Variants in RTTN observed in about 807,000 individuals in gnomAD.
RTTN encodes the protein rotatin.
In RTTN, 182 loss-of-function variants were observed where a neutral mutation model predicts 269.2. The observed-to-expected ratio is 0.68, with a 90% confidence interval of 0.60 to 0.76. The LOEUF is 0.76. Among genes scored for constraint, RTTN ranks in the 30% least tolerant of loss-of-function variants. The pLI, the probability that RTTN is intolerant of heterozygous loss-of-function variation, is 0.00. For synonymous variants in RTTN, 1,006 were observed against 963.5 expected (o/e 1.04, Z -0.82); for missense variants, 2,545 against 2,608.6 (o/e 0.98, Z 0.53).
intron 46 of RTTN, chr18:70,006,714 C>A: frequency 2.4e-6 from 1 of 416,156 alleles, no homozygotes; most frequent in Non-Finnish European, 4.3e-6. Flanking sequence ...GAAGCTGCTT[C>A]ATTTTTTGGC....
intron 10 of RTTN, among the ~76,000 whole-genome samples, chr18:70,185,032 G>A (rs1157161765): frequency 6.6e-6 from 1 of 151,894 alleles, no homozygotes; most frequent in East Asian, 1.9e-4. Flanking sequence ...GGCATCATAA[G>A]AGAAAACCGA....
intron 34 of RTTN, among the ~76,000 whole-genome samples, chr18:70,068,606 G>A (rs886066711): frequency 3.3e-5 from 5 of 152,204 alleles, no homozygotes; most frequent in Non-Finnish European, 7.3e-5. Context: ...AATTGGCTTA[G>A]TTTAAGAGCA....
intron 40 of RTTN, among the ~76,000 whole-genome samples, chr18:70,032,326 G>T (rs1014513645): frequency 3.3e-5 from 5 of 152,128 alleles, no homozygotes; most frequent in Non-Finnish European, 7.4e-5. Context: ...CTCCTGCACT[G>T]GCAGACTGCC....
chr18:70,004,153 AG>A lies in RTTN; in HGVS notation c.6678del (p.Ter2227GlufsTer18), dbSNP rs772857995. On this transcript the variant is annotated frameshift_variant, in exon 49 of 49. Coordinates refer to ENST00000640769, the MANE Select transcript of RTTN (RefSeq NM_173630.4). LOFTEE classifies it high-confidence loss of function. The part of the protein sequence containing the change: ...LENLVQLLNS[S>X] ...CAAGGTGTAGCATCCCATGGCACTC[AG>A]GAAGAATTAAGGAGCTGCACGAGGT... is the stretch of plus-strand genomic sequence containing the variant. The A allele has an allele frequency of 6.2e-7, 1 of 1,611,156 alleles. No individual in the cohort carries two copies. Among genetic ancestry groups the A allele is most frequent in the East Asian group, 2.2e-5 (1 of 44,828 alleles).
At chr18:70,146,446 C>T (rs570383213) in intron 17 of RTTN, among the ~76,000 whole-genome samples, 1 of 152,280 alleles carries the variant, frequency 6.6e-6, no homozygotes, top group African/African-American at 2.4e-5. Context: ...GATATTGAGA[C>T]AACCATGTAT....
chr18:70,127,950 T>C, intron 24 of RTTN: 1 of 547,670 alleles, frequency 1.8e-6, no homozygotes, highest in South Asian at 2.4e-5. Context: ...TGACTTTTCC[T>C]CCTTATAAAA....
chr18:70,025,522 C>T (rs1243563325), intron 43 of RTTN, among the ~76,000 whole-genome samples: 2 of 152,152 alleles, frequency 1.3e-5, no homozygotes, highest in East Asian at 1.9e-4. Context: ...CATAAATACA[C>T]ACACCCTATA....
chr18:70,078,817 T>C (rs2058491014), intron 32 of RTTN, among the ~76,000 whole-genome samples: 1 of 151,960 alleles, frequency 6.6e-6, no homozygotes, highest in Non-Finnish European at 1.5e-5. Flanking sequence ...AATAAAACTA[T>C]TAAAGATGGG....
intron 23 of RTTN, among the ~76,000 whole-genome samples, chr18:70,134,055 T>G (rs1236666193): frequency 6.6e-6 from 1 of 152,116 alleles, no homozygotes; most frequent in Non-Finnish European, 1.5e-5. Context: ...TGTAGAATAA[T>G]GTCCTTAACT....
chr18:70,021,466 T>C (rs771992659), intron 44 of RTTN, among the ~76,000 whole-genome samples: 8 of 152,340 alleles, frequency 5.3e-5, no homozygotes, highest in African/African-American at 1.9e-4. Context: ...TAAGGTATAA[T>C]TGACTTGTGA....
At chr18:70,067,913 G>C (rs1039429003) in intron 34 of RTTN, among the ~76,000 whole-genome samples, 26 of 152,280 alleles carry the variant, frequency 1.7e-4, no homozygotes, top group Admixed American at 1.6e-3. Flanking sequence ...GTCCACAGAA[G>C]GGATACACAA....
chr18:70,120,324 A>G (rs771277338), intron 26 of RTTN, among the ~76,000 whole-genome samples: 12 of 152,136 alleles, frequency 7.9e-5, no homozygotes, highest in Non-Finnish European at 1.6e-4. Context: ...TGTTTTTTAT[A>G]AATTACCCAG....
rs78761386 is a variant in RTTN at position 70,073,791 on chromosome 18, C to G, written c.4653+115G>C. The G allele has an allele frequency of 1.4e-5, 10 of 692,358 alleles. 1 individual carries two copies. The Admixed American group carries it at 2.3e-4, about 16-fold the overall frequency. The allele number at this position is 692,358 out of a possible 1,614,324, so 42.9% of individuals were successfully genotyped here. ...TAGCAAAATTCTGCAGAAAGCACTTCGAATAAATCATAGCTGTTATAACCT... is the reference window on the plus strand; with the variant it reads ...TAGCAAAATTCTGCAGAAAGCACTTGGAATAAATCATAGCTGTTATAACCT... On this transcript the variant is annotated intron_variant, in intron 34 of 48. Transcript: ENST00000640769.
intron 32 of RTTN, among the ~76,000 whole-genome samples, chr18:70,077,429 G>A (rs2058456154): frequency 1.3e-5 from 2 of 151,860 alleles, no homozygotes; most frequent in Admixed American, 1.3e-4. Flanking sequence ...TCTTTATTCT[G>A]TTCAAGGCCT....
At chr18:70,058,765 G>A (rs1448238744) in intron 36 of RTTN, among the ~76,000 whole-genome samples, 10 of 151,630 alleles carry the variant, frequency 6.6e-5, no homozygotes, top group East Asian at 3.9e-4. Flanking sequence ...CAACTGACTA[G>A]CAGTTACTTT....
Position 70,118,704 on chromosome 18 carries a change from G to GA in RTTN, c.3528+2851dup, listed in dbSNP as rs2059659064. On this transcript the variant is annotated intron_variant, in intron 26 of 48. Coordinates refer to ENST00000640769, the MANE Select transcript of RTTN (RefSeq NM_173630.4). ...ATCCTTTACCAAATACTGGCAAACT[G>GA]AAACCAAGAGCACAATAAAAAGATC... Among the ~76,000 whole-genome samples, 3 of 152,144 alleles carry GA rather than the reference G, an allele frequency of 2.0e-5. No individual in the cohort carries two copies. In the South Asian group the frequency reaches 6.2e-4, roughly 32 times the overall value.
At chr18:70,012,225 G>C (rs922588658) in intron 46 of RTTN, among the ~76,000 whole-genome samples, 5 of 150,468 alleles carry the variant, frequency 3.3e-5, no homozygotes, top group Non-Finnish European at 5.9e-5. Context: ...TCTGCTCACT[G>C]GTATTAGTTA....
chr18:70,073,367 T>G (rs752526039), intron 34 of RTTN, among the ~76,000 whole-genome samples: 1 of 152,110 alleles, frequency 6.6e-6, no homozygotes, highest in Admixed American at 6.6e-5. Flanking sequence ...CAGATAAACT[T>G]CTATGTGATG....
In RTTN at chr18:70,129,946, T is replaced by C. The variant is rs2145631712; in HGVS notation, c.2955-1400A>G. ...CTTAACAGCAAAATAATAATAATAA[T>C]AATCCAATTAAAAGCTGGGCAAAAG... On this transcript the variant is annotated intron_variant, in intron 23 of 48. Transcript: ENST00000640769. 2.0e-5 allele frequency: 3 copies of C among 151,716 alleles called. No individual in the cohort carries two copies. In the South Asian group the frequency reaches 6.2e-4, roughly 32 times the overall value. The allele number at this position is 151,716 out of a possible 1,614,324, so 9.4% of individuals were successfully genotyped here. A position where few individuals can be genotyped will look rare whatever the true frequency, so the allele number is the denominator to read the frequency against.
Sources: allele counts gnomAD v4.1 joint callset (sites outside exome capture counted in the v4.1 genomes callset), GRCh38; gene constraint gnomAD v4.1.1; transcripts MANE v1.5; gene names NCBI Gene and HGNC (gene_info 2026-07-23, HGNC 2026-07-21).